The following SP110 variants were observed in gnomAD, a reference collection of about 807,000 sequenced individuals.
SP110 encodes SP110 nuclear body protein.
A neutral mutation model predicts 92.7 loss-of-function variants in SP110; 62 were observed. The ratio of observed to expected loss-of-function variants is 0.67; its 90% CI spans 0.55 to 0.83. The LOEUF (loss-of-function observed/expected upper bound fraction) is 0.83. SP110 is among the 40% of genes least tolerant of loss of function. The pLI is 0.00. For synonymous variants in SP110, 273 were observed against 305.3 expected (o/e 0.89, Z 1.10); for missense variants, 793 against 863.9 (o/e 0.92, Z 1.03).
At chr2:230,222,091 G>T (rs10187268), upstream of SP110, among the ~76,000 whole-genome samples, 1 of 152,118 alleles carries the variant, frequency 6.6e-6, no homozygotes, top group African/African-American at 2.4e-5. Flanking sequence ...TTAGCTGGGC[G>T]TGGTGGCACA....
intron 10 of SP110, among the ~76,000 whole-genome samples, chr2:230,187,110 C>T (rs149735860): frequency 0.012 from 1,861 of 152,258 alleles, 34 homozygotes; most frequent in African/African-American, 0.042. Context: ...CTAATTTGCA[C>T]TCCCACCAGC....
chr2:230,216,677 G>T, intron 2 of SP110, 104 bp downstream of exon 2: 3 of 1,390,324 alleles, frequency 2.2e-6, no homozygotes, highest in Non-Finnish European at 3.1e-6. Flanking sequence ...CCTGGGCTGG[G>T]CCTTCCAAAC....
chr2:230,222,482 G>C (rs2045901216), upstream of SP110, among the ~76,000 whole-genome samples: 1 of 152,140 alleles, frequency 6.6e-6, no homozygotes, highest in Non-Finnish European at 1.5e-5. Context: ...ATTCTGGGAG[G>C]TCAAAGCAGG....
chr2:230,215,241 A>G lies in SP110; in HGVS notation c.148-123T>C, dbSNP rs2044980074. Reference sequence around the variant, plus strand: ...CTTTTAAGAAGAAATTCAACATAAAATATATAGTCACATTCTCTAAGGTAG... The same window carrying G: ...CTTTTAAGAAGAAATTCAACATAAAGTATATAGTCACATTCTCTAAGGTAG... On this transcript the variant is annotated intron_variant, in intron 2 of 18. Transcript: ENST00000258381. 5.1e-6 allele frequency: 4 copies of G among 780,348 alleles called. No individual in the cohort carries two copies. In the Admixed American group the frequency reaches 7.4e-5, roughly 14 times the overall value. The allele number at this position is 780,348 out of a possible 1,614,324, so 48.3% of individuals were successfully genotyped here.
chr2:230,177,340 G>A, intron 14 of SP110, 198 bp downstream of exon 14: 1 of 663,650 alleles, frequency 1.5e-6, no homozygotes, highest in Non-Finnish European at 2.7e-6. Flanking sequence ...TCCTTTACTT[G>A]CATTTAAAGT....
At position 230,202,610 on chromosome 2, in the gene SP110, T is replaced by C. The variant is rs2043296632; in HGVS notation, c.1017A>G (p.Arg339=). ...STVETRAQKA[R]TECARKSRSE... Reference sequence around the variant, plus strand: ...ATCTCGACTTTCGGGCACATTCAGTTCTCGCCTTTTGGGCCCTTGTCTCTA... The same window carrying C: ...ATCTCGACTTTCGGGCACATTCAGTCCTCGCCTTTTGGGCCCTTGTCTCTA... The change falls in exon 9 of 19, where the codon AGA becomes AGG. Residue 339 remains arginine, a synonymous_variant. Coordinates refer to ENST00000258381, the MANE Select transcript of SP110 (RefSeq NM_080424.4). 1 of 1,614,212 alleles carries C rather than the reference T, an allele frequency of 6.2e-7. No homozygotes were observed. Among genetic ancestry groups the C allele is most frequent in the African/African-American group, 1.3e-5 (1 of 75,058 alleles).
intron 16 of SP110, 60 bp from the exon 17 acceptor site, chr2:230,171,827 G>T: frequency 7.6e-7 from 1 of 1,322,632 alleles, no homozygotes; most frequent in South Asian, 1.2e-5. Context: ...GAAGCCAGGC[G>T]AGTGTCTAGA....
At position 230,186,083 on chromosome 2, in the gene SP110, T is replaced by C. The variant is rs1559146994; in HGVS notation, c.1190A>G (p.Gln397Arg). 1.2e-6 allele frequency: 2 copies of C among 1,613,960 alleles called. No homozygotes were observed. The highest frequency in any genetic ancestry group is 1.7e-6 in the Non-Finnish European group (2 of 1,179,806). The change falls in exon 11 of 19, where the codon CAA becomes CGA. Residue 397 changes from glutamine to arginine, a missense_variant. Physicochemically the swap from Gln to Arg is conservative, Grantham distance 43 (BLOSUM62 1). Coordinates refer to ENST00000258381, the MANE Select transcript of SP110 (RefSeq NM_080424.4). ...GTTCCAGGTTGAGTCGTCTTTCCTT[T>C]GAGTCACCTTATCCACCACTTGGAG... is the stretch of plus-strand genomic sequence containing the variant. ...EKLQVVDKVT[Q>R]RKDDSTWNSE... is the part of the protein sequence containing the mutation.
intron 10 of SP110, among the ~76,000 whole-genome samples, chr2:230,189,728 G>A (rs1413867843): frequency 2.6e-5 from 4 of 152,128 alleles, no homozygotes; most frequent in Admixed American, 6.5e-5. Flanking sequence ...GGTGTGTGTT[G>A]TTCCCCTCTC....
In SP110 at chr2:230,216,833, G is replaced by A; in HGVS notation, c.95C>T (p.Pro32Leu). 1.2e-6 allele frequency: 2 copies of A among 1,614,116 alleles called. No homozygotes were observed. Among genetic ancestry groups the A allele is most frequent in the Non-Finnish European group, 1.7e-6 (2 of 1,179,990 alleles). The stretch of plus-strand genomic sequence containing the variant: ...GTTGTCTAGGAGGCCTTCAAAGAAG[G>A]GAAATGGCTTGTGTATGGCATAGGC... ...GIAYAIHKPF[P>L]FFEGLLDNSI... is the part of the protein sequence containing the mutation. The change falls in exon 2 of 19, where the codon CCC becomes CTC. Residue 32 changes from proline to leucine, a missense_variant. Coordinates refer to ENST00000258381, the MANE Select transcript of SP110 (RefSeq NM_080424.4).
upstream of SP110, among the ~76,000 whole-genome samples, chr2:230,224,515 C>CAGAGAG (rs879416639): frequency 4.1e-4 from 58 of 139,974 alleles, no homozygotes; most frequent in Admixed American, 6.3e-4. Context: ...AGAGAGAGGA[C>CAGAGAG]AGAGAGAGAG....
rs2078318166 is a variant in SP110 at position 230,166,882 on chromosome 2, C to A, written c.*2242G>T. Among the ~76,000 whole-genome samples, 1 of 152,136 alleles carries A rather than the reference C, an allele frequency of 6.6e-6. No individual in the cohort carries two copies. Among genetic ancestry groups the A allele is most frequent in the African/African-American group, 2.4e-5 (1 of 41,434 alleles). Reference sequence around the variant, plus strand: ...GGGGGAACTAGCAACATGTGCTTGACTGGATTTCAGAATTGCTATAAATGA... The same window carrying A: ...GGGGGAACTAGCAACATGTGCTTGAATGGATTTCAGAATTGCTATAAATGA... On this transcript the variant is annotated 3_prime_UTR_variant, in exon 19 of 19. Transcript: ENST00000258381.
chr2:230,223,252 G>A (rs1224191618), upstream of SP110, among the ~76,000 whole-genome samples: 1 of 152,078 alleles, frequency 6.6e-6, no homozygotes, highest in East Asian at 1.9e-4. Context: ...GGCCAGGATG[G>A]TCTTGATCTC....
In SP110 at chr2:230,213,175, A is replaced by G. The variant is rs112889751; in HGVS notation, c.317-148T>C. 1.8e-3 allele frequency: 1,397 copies of G among 789,416 alleles called. 17 individuals carry two copies. Among genetic ancestry groups the G allele is most frequent in the South Asian group, 0.016 (1,059 of 67,760 alleles). 48.9% of individuals were successfully genotyped at this position (789,416 alleles called of 1,614,324 possible). On this transcript the variant is annotated intron_variant, in intron 3 of 18. Transcript: ENST00000258381. ...TGCAGAGAACTGATTCATTGTCATC[A>G]TTATCCATTTGTGGCCCCTTAATAT...
At chr2:230,184,894 G>A (rs1444584245) in intron 11 of SP110, among the ~76,000 whole-genome samples, 1 of 152,196 alleles carries the variant, frequency 6.6e-6, no homozygotes, top group Middle Eastern at 3.2e-3. Context: ...TATGGTCTAA[G>A]GGCCAAATTG....
chr2:230,216,024 T>G (rs1264692258), intron 2 of SP110, among the ~76,000 whole-genome samples: 1 of 152,154 alleles, frequency 6.6e-6, no homozygotes, highest in African/African-American at 2.4e-5. Context: ...AGGGCTCAAT[T>G]AATGCTTTTA....
At chr2:230,202,799 T>C in intron 8 of SP110, 71 bp from the exon 9 acceptor site, 1 of 1,448,876 alleles carries the variant, frequency 6.9e-7, no homozygotes, top group South Asian at 1.1e-5. Flanking sequence ...TCCCAATCAG[T>C]GACTTCCCTT....
intron 1 of SP110, among the ~76,000 whole-genome samples, chr2:230,217,467 C>A (rs181039842): frequency 1.3e-5 from 2 of 152,204 alleles, no homozygotes; most frequent in Admixed American, 1.3e-4. Context: ...GACAGAATCC[C>A]AAGGCGCTGC....
In SP110 at chr2:230,168,936, T is replaced by C. The variant is rs2078357906; in HGVS notation, c.*188A>G. On this transcript the variant is annotated 3_prime_UTR_variant, in exon 19 of 19. Coordinates refer to ENST00000258381, the MANE Select transcript of SP110 (RefSeq NM_080424.4). ...GTATTAATTTTTTTTTTTTTTAGTG[T>C]AGATATAGACTTTTAAAGGTAAAAA... is the stretch of plus-strand genomic sequence containing the variant. The C allele has an allele frequency of 1.8e-6, 1 of 551,900 alleles. No individual in the cohort carries two copies. The highest frequency in any genetic ancestry group is 3.2e-6 in the Non-Finnish European group (1 of 308,114). 34.2% of individuals were successfully genotyped at this position (551,900 alleles called of 1,614,324 possible). A position where few individuals can be genotyped will look rare whatever the true frequency, so the allele number is the denominator to read the frequency against.
Sources: gnomAD v4.1 joint callset for allele counts (sites outside exome capture counted in the v4.1 genomes callset) on GRCh38, gnomAD v4.1.1 for gene constraint, MANE v1.5 for transcripts, NCBI Gene and HGNC (gene_info 2026-07-23, HGNC 2026-07-21) for gene names.